MRPL27: variants seen among roughly 807,000 people sequenced by gnomAD.
MRPL27 encodes the protein large ribosomal subunit protein bL27m.
MRPL27 carries 4 observed loss-of-function variants against 14.6 expected under a neutral mutation model. The ratio of observed to expected loss-of-function variants is 0.27; its 90% CI spans 0.14 to 0.63. MRPL27 has a LOEUF of 0.63. MRPL27 is among the 20% of genes least tolerant of loss of function. The pLI is 0.85. For missense variants in MRPL27, 196 were observed against 192.8 expected, an observed-to-expected ratio of 1.02 and a Z score of -0.10; for synonymous variants, 82 against 75.5, an observed-to-expected ratio of 1.09 and a Z score of -0.45.
chr17:50,370,665 G>C, intron 1 of MRPL27, 79 bp from the exon 2 acceptor site: 1 of 1,587,020 alleles, frequency 6.3e-7, no homozygotes, highest in Non-Finnish European at 8.6e-7. Context: ...GCTGATACGT[G>C]AGAGGCGGTG....
chr17:50,372,870 C>T, intron 1 of MRPL27: 1 of 567,388 alleles, frequency 1.8e-6, no homozygotes, highest in Non-Finnish European at 3.1e-6. Flanking sequence ...AAAGGACCCA[C>T]CCAAATCCCC....
chr17:50,370,770 G>T (rs1457547993), intron 1 of MRPL27, 184 bp from the exon 2 acceptor site: 1 of 695,598 alleles, frequency 1.4e-6, no homozygotes, highest in Non-Finnish European at 2.3e-6. Flanking sequence ...CTCCTTTTGG[G>T]GGAGGGGGCG....
intron 3 of MRPL27, chr17:50,368,599 A>G (rs966392621): frequency 1.7e-5 from 10 of 590,308 alleles, no homozygotes; most frequent in Non-Finnish European, 2.4e-5. Context: ...CACAAATCCC[A>G]AAACCCAGGA....
intron 1 of MRPL27, 67 bp downstream of exon 1, chr17:50,373,064 T>C (rs1598358582): frequency 6.2e-7 from 1 of 1,606,360 alleles, no homozygotes; most frequent in Non-Finnish European, 8.5e-7. Context: ...GTCACCTCCT[T>C]CCCTCCCTGC....
chr17:50,372,346 G>A (rs927186676), intron 1 of MRPL27, among the ~76,000 whole-genome samples: 31 of 151,908 alleles, frequency 2.0e-4, no homozygotes, highest in Non-Finnish European at 7.4e-5. Context: ...CCCGAGCTCA[G>A]GTGATCCTCC....
At chr17:50,372,248 T>C (rs542631356) in intron 1 of MRPL27, among the ~76,000 whole-genome samples, 26 of 146,350 alleles carry the variant, frequency 1.8e-4, no homozygotes, top group Non-Finnish European at 9.0e-5. Context: ...TGTCATTCTT[T>C]TTTTTTTGGG....
intron 1 of MRPL27, 143 bp downstream of exon 1, chr17:50,372,988 C>G (rs1038404445): frequency 2.6e-6 from 3 of 1,162,742 alleles, no homozygotes; most frequent in African/African-American, 1.5e-5. Flanking sequence ...CCAGCGACAC[C>G]GTCCCTCAAA....
Position 50,370,582 on chromosome 17 carries a change from T to G in MRPL27, c.45A>C (p.Thr15=). The G allele has an allele frequency of 6.2e-7, 1 of 1,614,128 alleles. No homozygotes were observed. The highest frequency in any genetic ancestry group is 1.7e-4 in the Middle Eastern group (1 of 6,060). The change falls in exon 2 of 4, where the codon ACA becomes ACC. Residue 15 remains threonine, a synonymous_variant. Coordinates refer to ENST00000225969, the MANE Select transcript of MRPL27 (RefSeq NM_016504.3). ...TAGCCGGAGTGGGGCTTAGCAAGGATGTAACTGCAGAGAAAACAGAAACAT... is the reference window on the plus strand; with the variant it reads ...TAGCCGGAGTGGGGCTTAGCAAGGAGGTAACTGCAGAGAAAACAGAAACAT... ...VLALRTRTAV[T]SLLSPTPATA...
Position 50,370,520 on chromosome 17 carries a change from C to G in MRPL27, c.107G>C (p.Gly36Ala). The change falls in exon 2 of 4, where the codon GGT (glycine) becomes GCT (alanine). Residue 36 changes from glycine (G) to alanine (A), a missense_variant. Transcript: ENST00000225969. ...TCCACCGAGGTTTTTGGAGCTACCA[C>G]CCGACTTCTTGGATGCGTATCTGAC... ...LAVRYASKKS[G>A]GSSKNLGGKS... is the part of the protein sequence containing the mutation. 1 of 1,614,208 alleles carries G rather than the reference C, an allele frequency of 6.2e-7. No homozygotes were observed. The highest frequency in any genetic ancestry group is 1.7e-5 in the Admixed American group (1 of 60,030).
intron 3 of MRPL27, chr17:50,369,211 T>C (rs537423443): frequency 3.8e-6 from 1 of 261,118 alleles, no homozygotes; most frequent in East Asian, 7.7e-5. Flanking sequence ...TAGAATACTG[T>C]CTAGCTCAAA....
rs577981165 is a variant in MRPL27 at position 50,370,257 on chromosome 17, CTT to C, written c.173-160_173-159del. On this transcript the variant is annotated intron_variant, in intron 2 of 3. Transcript: ENST00000225969. The stretch of plus-strand genomic sequence containing the variant: ...GCGCAGGATCTGCCACCCAGCAGCT[CTT>C]GTCTCTAATTGCATGGTTATGGCTC... 160 of 1,144,386 alleles carry C rather than the reference CTT, an allele frequency of 1.4e-4. No individual in the cohort carries two copies. In the African/African-American group the frequency reaches 2.3e-3, roughly 17 times the overall value. The allele number at this position is 1,144,386 out of a possible 1,614,324, so 70.9% of individuals were successfully genotyped here.
rs778561243 is a variant in MRPL27 at position 50,368,061 on chromosome 17, C to A, written c.*31G>T. The A allele has an allele frequency of 1.9e-6, 3 of 1,612,310 alleles. No individual in the cohort carries two copies. In the Admixed American group the frequency reaches 5.0e-5, roughly 27 times the overall value. On this transcript the variant is annotated 3_prime_UTR_variant, in exon 4 of 4. Coordinates refer to ENST00000225969, the MANE Select transcript of MRPL27 (RefSeq NM_016504.3). ...ATCACCATCTCCTGTCACCTGGGCT[C>A]CAGTCTCTGTCCGATGGCCTCAACA...
chr17:50,370,095 G>C lies in MRPL27; in HGVS notation c.177C>G (p.His59Gln), dbSNP rs2143275908. 1.2e-6 allele frequency: 2 copies of C among 1,611,942 alleles called. No individual in the cohort carries two copies. Among genetic ancestry groups the C allele is most frequent in the Non-Finnish European group, 1.7e-6 (2 of 1,179,364 alleles). ...RRQGIKKMEG[H>Q]YVHAGNIIAT... ...CAATGATGTTCCCAGCATGAACATAGTGACCTAGAAGAGAAGTCCACAGTG... is the reference window on the plus strand; with the variant it reads ...CAATGATGTTCCCAGCATGAACATACTGACCTAGAAGAGAAGTCCACAGTG... The change falls in exon 3 of 4, where the codon CAC becomes CAG. Residue 59 changes from histidine to glutamine, a missense_variant. By Grantham distance (24) the His-to-Gln change is conservative. Coordinates refer to ENST00000225969, the MANE Select transcript of MRPL27 (RefSeq NM_016504.3).
chr17:50,372,182 G>A (rs2143282380), intron 1 of MRPL27, among the ~76,000 whole-genome samples: 3 of 150,348 alleles, frequency 2.0e-5, no homozygotes, highest in Middle Eastern at 7.0e-3. Flanking sequence ...TTCTCAAAAT[G>A]TAAAACTGGC....
At chr17:50,368,514 C>T in intron 3 of MRPL27, 1 of 607,506 alleles carries the variant, frequency 1.6e-6, no homozygotes, top group Non-Finnish European at 2.9e-6. Context: ...CTCCAACAGC[C>T]AACATGGGCC....
At chr17:50,372,786 G>A (rs1913213269) in intron 1 of MRPL27, 2 of 346,994 alleles carry the variant, frequency 5.8e-6, no homozygotes. Flanking sequence ...CACAAAGTAA[G>A]ACCTCAATCT....
chr17:50,368,815 A>ATTTAATTAAGT (rs1746806185), intron 3 of MRPL27: 4 of 701,180 alleles, frequency 5.7e-6, no homozygotes, highest in Non-Finnish European at 1.0e-5. Context: ...CCTTTAATAC[A>ATTTAATTAAGT]CATTAAGTCA....
At chr17:50,372,855 C>T in intron 1 of MRPL27, 1 of 541,544 alleles carries the variant, frequency 1.8e-6, no homozygotes, top group East Asian at 3.1e-5. Flanking sequence ...AATACTTCTA[C>T]AGAGAAAGGA....
chr17:50,370,323 C>T (rs1014625358), intron 2 of MRPL27, 132 bp downstream of exon 2: 20 of 1,446,978 alleles, frequency 1.4e-5, no homozygotes, highest in South Asian at 3.8e-5. Context: ...AGGTCTTATC[C>T]GTTCCTTTAA....
Sources: allele counts gnomAD v4.1 joint callset (sites outside exome capture counted in the v4.1 genomes callset), GRCh38; gene constraint gnomAD v4.1.1; transcripts MANE v1.5; gene names NCBI Gene and HGNC (gene_info 2026-07-23, HGNC 2026-07-21).